Variants in SAMD12 observed in about 807,000 individuals in gnomAD.
SAMD12 encodes the protein sterile alpha motif domain-containing protein 12.
Under a neutral mutation model 15.0 loss-of-function variants are expected in SAMD12, and 9 were observed. The ratio of observed to expected loss-of-function variants is 0.60; its 90% CI spans 0.36 to 1.05. The LOEUF (loss-of-function observed/expected upper bound fraction) is 1.05, where lower values mean the gene tolerates loss of function less well. Among genes scored for constraint, SAMD12 ranks in the 50% least tolerant of loss-of-function variants. The probability of loss-of-function intolerance (pLI) is 0.01; values close to 1 mark genes in which losing one functional copy is unlikely to be tolerated. For synonymous variants in SAMD12, 86 were observed against 90.1 expected, an observed-to-expected ratio of 0.96 and a Z score of 0.25; for missense variants, 230 against 234.2, an observed-to-expected ratio of 0.98 and a Z score of 0.12.
chr8:118,343,160 T>C (rs1817457881), intron 4 of SAMD12, among the ~76,000 whole-genome samples: 1 of 151,984 alleles, frequency 6.6e-6, no homozygotes, highest in African/African-American at 2.4e-5. Context: ...AGGAGGCAGG[T>C]CCTGCTCACC....
intron 4 of SAMD12, among the ~76,000 whole-genome samples, chr8:118,365,647 A>T (rs1006557008): frequency 6.6e-6 from 1 of 151,946 alleles, no homozygotes; most frequent in Non-Finnish European, 1.5e-5. Flanking sequence ...TAGATGGCAG[A>T]TCGTGGGACT....
At chr8:118,371,746 G>A (rs1015619393) in intron 4 of SAMD12, among the ~76,000 whole-genome samples, 4 of 152,106 alleles carry the variant, frequency 2.6e-5, no homozygotes, top group African/African-American at 7.2e-5. Flanking sequence ...GGTCTAAAAC[G>A]TAAATCTGAG....
rs74847551 is a variant in SAMD12, at chr8:118,331,890, G to A, written c.433+47670C>T. On this transcript the variant is annotated intron_variant, in intron 4 of 4. Transcript: ENST00000409003. ...ATTTGTACACAGGGGTGAATCAATG[G>A]ATTGTTTGTCCTCACTATTCATAAT... 2.9e-3 allele frequency among the ~76,000 whole-genome samples: 437 copies of A among 152,278 alleles called. 3 individuals are homozygous for A. The highest frequency in any genetic ancestry group is 9.9e-3 in the African/African-American group (412 of 41,542).
At chr8:118,347,231 A>G (rs1023038907) in intron 4 of SAMD12, among the ~76,000 whole-genome samples, 1 of 152,212 alleles carries the variant, frequency 6.6e-6, no homozygotes, top group African/African-American at 2.4e-5. Context: ...GCCCAGTCTC[A>G]GTGTCCAAGG....
intron 2 of SAMD12, among the ~76,000 whole-genome samples, chr8:118,558,782 C>T (rs960552149): frequency 1.3e-5 from 2 of 152,154 alleles, no homozygotes; most frequent in Non-Finnish European, 2.9e-5. Flanking sequence ...TGATCTCGAT[C>T]TCCTGACCTC....
chr8:118,241,538 G>T (rs1812564897), intron 4 of SAMD12, among the ~76,000 whole-genome samples: 1 of 152,130 alleles, frequency 6.6e-6, no homozygotes, highest in African/African-American at 2.4e-5. Flanking sequence ...TCATGGAGAA[G>T]TTTAAGATGA....
the SAMD12 span, among the ~76,000 whole-genome samples, chr8:118,173,662 C>T: frequency 7.2e-5 from 10 of 138,874 alleles, no homozygotes; most frequent in South Asian, 2.2e-3. Flanking sequence ...TGGAGTCTTG[C>T]TCTGTTGCTC....
chr8:118,487,410 C>T (rs905877927), intron 2 of SAMD12, among the ~76,000 whole-genome samples: 1 of 152,134 alleles, frequency 6.6e-6, no homozygotes, highest in Non-Finnish European at 1.5e-5. Context: ...CCACACTGAA[C>T]GTACATCAGA....
intron 4 of SAMD12, among the ~76,000 whole-genome samples, chr8:118,273,410 C>T (rs756273770): frequency 1.4e-4 from 21 of 152,220 alleles, no homozygotes; most frequent in South Asian, 6.2e-4. Flanking sequence ...GATGGGGACA[C>T]GGCCAAACCA....
rs1402236052 is a variant in SAMD12, at chr8:118,366,866, TAAAATAAAATAAAATAATAA to T, written c.433+12674_433+12693del. Among the ~76,000 whole-genome samples the T allele has an allele frequency of 4.8e-4, 54 of 111,642 alleles. 4 individuals carry two copies. The highest frequency in any genetic ancestry group is 1.2e-3 in the Admixed American group (14 of 11,472). 73.2% of individuals were successfully genotyped at this position (111,642 alleles called of 152,430 possible). A position where few individuals can be genotyped will look rare whatever the true frequency, so the allele number is the denominator to read the frequency against. On this transcript the variant is annotated intron_variant, in intron 4 of 4. Transcript: ENST00000409003. ...TAAAATAAAATAAAATAAAATAAAA[TAAAATAAAATAAAATAATAA>T]AATAAAATAAAATAAAATAAAATAA...
chr8:118,412,431 C>T (rs1410512554), intron 3 of SAMD12, among the ~76,000 whole-genome samples: 2 of 152,112 alleles, frequency 1.3e-5, no homozygotes, highest in Non-Finnish European at 2.9e-5. Flanking sequence ...ATAACTTATA[C>T]ATAAAATAGA....
intron 4 of SAMD12, among the ~76,000 whole-genome samples, chr8:118,223,746 T>A (rs1346299391): frequency 1.3e-5 from 2 of 152,216 alleles, no homozygotes; most frequent in Non-Finnish European, 1.5e-5. Flanking sequence ...AATGAACTCA[T>A]AAACAGTTAT....
Position 118,580,757 on chromosome 8 carries a change from T to A in SAMD12, c.150A>T (p.Lys50Asn). The A allele has an allele frequency of 6.2e-7, 1 of 1,613,340 alleles. No individual in the cohort carries two copies. Among genetic ancestry groups the A allele is most frequent in the Non-Finnish European group, 8.5e-7 (1 of 1,179,426 alleles). Residue 50 changes from lysine (K) to asparagine (N), a missense_variant, in exon 2 of 4, where the codon AAA becomes AAT. By Grantham distance (94) the Lys-to-Asn change is moderately conservative. Coordinates refer to ENST00000314727, the MANE Select transcript of SAMD12 (RefSeq NM_207506.3). ...NKNFQKVPDQ[K>N]GTPKRLQAEA... is the part of the protein sequence containing the mutation. ...CTGCCTGCAGTCGCTTGGGAGTTCC[T>A]TTCTGGTCAGGCACCTTCTGGAAAT...
intron 4 of SAMD12, among the ~76,000 whole-genome samples, chr8:118,285,133 G>A (rs1466934284): frequency 6.6e-6 from 1 of 151,048 alleles, no homozygotes; most frequent in Non-Finnish European, 1.5e-5. Context: ...TCTTGGCCAC[G>A]TTTTCTTTCT....
chr8:118,573,239 C>G (rs1272327225), intron 2 of SAMD12, among the ~76,000 whole-genome samples: 3 of 152,124 alleles, frequency 2.0e-5, no homozygotes, highest in African/African-American at 7.2e-5. Context: ...CACCTGCCAC[C>G]ATGCCAGGCT....
In SAMD12 at chr8:118,214,765, T is replaced by C. The variant is rs1811914930; in HGVS notation, c.434-17033A>G. On this transcript the variant is annotated intron_variant, in intron 4 of 4. Coordinates refer to the SAMD12 transcript ENST00000409003. ...TAAAGCTATAATACTCATGAAATTGTAATTCTTTCCCAGGACTTGCTGGCT... is the reference window on the plus strand; with the variant it reads ...TAAAGCTATAATACTCATGAAATTGCAATTCTTTCCCAGGACTTGCTGGCT... 2.0e-5 allele frequency among the ~76,000 whole-genome samples: 3 copies of C among 152,242 alleles called. No individual in the cohort carries two copies. In the South Asian group the frequency reaches 6.2e-4, roughly 32 times the overall value.
intron 2 of SAMD12, among the ~76,000 whole-genome samples, chr8:118,494,263 C>A (rs1371531184): frequency 6.6e-6 from 1 of 152,180 alleles, no homozygotes; most frequent in African/African-American, 2.4e-5. Context: ...GTAGCCTCCT[C>A]AACTCCTTGA....
exon 5 of SAMD12, chr8:118,194,368 C>G (rs548840110): frequency 1.3e-5 from 2 of 152,166 alleles, no homozygotes; most frequent in African/African-American, 4.8e-5. Flanking sequence ...CGCCACTACC[C>G]GCAAAGAAAG....
chr8:118,222,028 C>T (rs1401610578), intron 4 of SAMD12, among the ~76,000 whole-genome samples: 7 of 152,084 alleles, frequency 4.6e-5, no homozygotes, highest in South Asian at 4.2e-4. Flanking sequence ...AATGAAGGCC[C>T]GAATCATGGC....
Sources: gnomAD v4.1 joint callset for allele counts (sites outside exome capture counted in the v4.1 genomes callset) on GRCh38, gnomAD v4.1.1 for gene constraint, MANE v1.5 for transcripts, NCBI Gene and HGNC (gene_info 2026-07-23, HGNC 2026-07-21) for gene names.